The following WWC1 variants were observed in gnomAD, a reference collection of about 807,000 sequenced individuals.
WWC1 encodes WW and C2 domain containing 1, also known as protein KIBRA.
WWC1 carries 55 observed loss-of-function variants against 138.4 expected under a neutral mutation model. That is an observed-to-expected ratio of 0.40 (90% confidence interval 0.32 to 0.50). The LOEUF (loss-of-function observed/expected upper bound fraction) is 0.50. WWC1 is among the 20% of genes least tolerant of loss of function. The probability of loss-of-function intolerance (pLI) is 0.72; values close to 1 mark genes in which losing one functional copy is unlikely to be tolerated. For synonymous variants in WWC1, 524 were observed against 564.9 expected, an observed-to-expected ratio of 0.93 and a Z score of 1.03; for missense variants, 1,226 against 1,420.4, an observed-to-expected ratio of 0.86 and a Z score of 2.20.
chr5:168,391,760 C>CAT (rs70976481), intron 3 of WWC1, among the ~76,000 whole-genome samples: 21,667 of 109,510 alleles, frequency 0.2, 2,150 homozygotes, highest in South Asian at 0.25. Context: ...ATTTTTAAGG[C>CAT]ATATATATAT....
intron 9 of WWC1, among the ~76,000 whole-genome samples, chr5:168,418,126 C>T (rs571772077): frequency 6.6e-6 from 1 of 152,326 alleles, no homozygotes; most frequent in East Asian, 1.9e-4. Context: ...CTCATCTTCA[C>T]ACAACAGCCT....
chr5:168,340,142 C>T (rs940009051), intron 1 of WWC1, among the ~76,000 whole-genome samples: 1 of 151,668 alleles, frequency 6.6e-6, no homozygotes, highest in African/African-American at 2.4e-5. Context: ...ATGGTGGAAT[C>T]TCAGCTCACT....
intron 20 of WWC1, among the ~76,000 whole-genome samples, chr5:168,462,718 A>G (rs1211883278): frequency 6.6e-6 from 1 of 152,174 alleles, no homozygotes; most frequent in Non-Finnish European, 1.5e-5. Context: ...CTGAGCCCAC[A>G]TTTCCCTCGG....
intron 1 of WWC1, among the ~76,000 whole-genome samples, chr5:168,310,362 T>C (rs1770957413): frequency 6.6e-6 from 1 of 151,334 alleles, no homozygotes; most frequent in Non-Finnish European, 1.5e-5. Context: ...TCTGAATATA[T>C]TATATATAAT....
chr5:168,410,803 A>C (rs980751052), intron 8 of WWC1, among the ~76,000 whole-genome samples: 11 of 152,220 alleles, frequency 7.2e-5, no homozygotes, highest in African/African-American at 2.7e-4. Context: ...ACCTTATAGC[A>C]CAGGGTCTAT....
chr5:168,399,430 G>A, intron 4 of WWC1, 58 bp from the exon 5 acceptor site: 1 of 1,594,694 alleles, frequency 6.3e-7, no homozygotes, highest in Non-Finnish European at 8.6e-7. Flanking sequence ...GGAGAAGGCA[G>A]CCTGCACCTT....
chr5:168,333,426 T>C (rs2152768955), intron 1 of WWC1, among the ~76,000 whole-genome samples: 1 of 152,328 alleles, frequency 6.6e-6, no homozygotes, highest in Non-Finnish European at 1.5e-5. Context: ...GACCGTCTCT[T>C]CATACCTTTA....
At chr5:168,397,695 A>G (rs1359473455) in intron 3 of WWC1, 29 bp from the exon 4 acceptor site, 1 of 1,612,534 alleles carries the variant, frequency 6.2e-7, no homozygotes, top group Non-Finnish European at 8.5e-7. Flanking sequence ...TCTTCTACTG[A>G]TATTCTTGTT....
chr5:168,460,856 T>C, intron 20 of WWC1, 114 bp downstream of exon 20: 1 of 1,102,574 alleles, frequency 9.1e-7, no homozygotes, highest in South Asian at 1.4e-5. Flanking sequence ...AGCCACTGGC[T>C]AGAAAAATGT....
At chr5:168,305,232 T>C (rs1390319714) in intron 1 of WWC1, among the ~76,000 whole-genome samples, 3 of 151,548 alleles carry the variant, frequency 2.0e-5, no homozygotes, top group Non-Finnish European at 4.4e-5. Context: ...CCTCCCAAAG[T>C]GTTGGGATTA....
In WWC1 at chr5:168,469,019, C is replaced by T. The variant is rs201190242; in HGVS notation, c.*2C>T. Reference sequence around the variant, plus strand: ...GCTCTCTCTGCAGATGACGTCTAATCGCCAGAAAAGTATTTCCTTTGTTCC... The same window carrying T: ...GCTCTCTCTGCAGATGACGTCTAATTGCCAGAAAAGTATTTCCTTTGTTCC... On this transcript the variant is annotated 3_prime_UTR_variant, in exon 23 of 23. Coordinates refer to ENST00000265293, the MANE Select transcript of WWC1 (RefSeq NM_015238.3). The T allele has an allele frequency of 3.9e-5, 63 of 1,614,060 alleles. No homozygotes were observed. Among genetic ancestry groups the T allele is most frequent in the Non-Finnish European group, 4.6e-5 (54 of 1,180,028 alleles).
At chr5:168,397,612 G>C (rs1408601587) in intron 3 of WWC1, 112 bp from the exon 4 acceptor site, 3 of 1,052,098 alleles carry the variant, frequency 2.9e-6, no homozygotes, top group Non-Finnish European at 4.3e-6. Flanking sequence ...GAACATTTAG[G>C]TTGTTCACTT....
intron 15 of WWC1, among the ~76,000 whole-genome samples, chr5:168,437,756 A>C (rs1292647173): frequency 6.6e-6 from 1 of 152,228 alleles, no homozygotes; most frequent in Non-Finnish European, 1.5e-5. Context: ...GTTAGAATTA[A>C]TAATAATCTG....
At chr5:168,448,565 G>T (rs1254572442) in intron 17 of WWC1, among the ~76,000 whole-genome samples, 1 of 151,432 alleles carries the variant, frequency 6.6e-6, no homozygotes, top group Non-Finnish European at 1.5e-5. Context: ...GGATCGCAGG[G>T]TGTGTGTTTT....
At chr5:168,392,509 A>G (rs1284400341) in intron 3 of WWC1, among the ~76,000 whole-genome samples, 2 of 152,100 alleles carry the variant, frequency 1.3e-5, no homozygotes, top group Non-Finnish European at 2.9e-5. Context: ...CAACATAGTA[A>G]GACCCCAACT....
intron 3 of WWC1, among the ~76,000 whole-genome samples, chr5:168,389,308 G>A (rs75194656): frequency 0.037 from 5,615 of 151,952 alleles, 169 homozygotes; most frequent in African/African-American, 0.084. Context: ...TTAGCTGGGC[G>A]TGGTGGCGCA....
At chr5:168,394,648 C>T (rs1282906685) in intron 3 of WWC1, among the ~76,000 whole-genome samples, 1 of 152,160 alleles carries the variant, frequency 6.6e-6, no homozygotes, top group African/African-American at 2.4e-5. Flanking sequence ...ATCGCTTAAA[C>T]CCTGGAGGTA....
rs558903663 is a variant in WWC1, at chr5:168,452,875, G to A, written c.2526-1093G>A. Among the ~76,000 whole-genome samples the A allele has an allele frequency of 5.3e-5, 8 of 152,192 alleles. 1 individual carries two copies. Among genetic ancestry groups the A allele is most frequent in the African/African-American group, 1.9e-4 (8 of 41,526 alleles). ...CTACCCTGGGTGCATTTAAAGGCAG[G>A]TGAACAGATCTAAACATGTTGCAAT... is the stretch of plus-strand genomic sequence containing the variant. On this transcript the variant is annotated intron_variant, in intron 17 of 22. Coordinates refer to ENST00000265293, the MANE Select transcript of WWC1 (RefSeq NM_015238.3).
At chr5:168,395,952 A>G (rs1778867948) in intron 3 of WWC1, among the ~76,000 whole-genome samples, 1 of 152,218 alleles carries the variant, frequency 6.6e-6, no homozygotes, top group Non-Finnish European at 1.5e-5. Context: ...AACAAAGCCA[A>G]ACAGTAGCAT....
Sources: allele counts gnomAD v4.1 joint callset (sites outside exome capture counted in the v4.1 genomes callset), GRCh38; gene constraint gnomAD v4.1.1; transcripts MANE v1.5; gene names NCBI Gene and HGNC (gene_info 2026-07-23, HGNC 2026-07-21).